Variants in DNM1L observed in about 807,000 individuals in gnomAD.
DNM1L encodes the protein dynamin 1L.
DNM1L carries 33 observed loss-of-function variants against 92.8 expected under a neutral mutation model. The observed-to-expected ratio is 0.36, with a 90% confidence interval of 0.27 to 0.48. The LOEUF is 0.48. DNM1L is among the 20% of genes least tolerant of loss of function. The pLI is 0.99. For synonymous variants in DNM1L, 284 were observed against 305.0 expected (o/e 0.93, Z 0.72); for missense variants, 485 against 888.8 (o/e 0.55, Z 5.78).
chr12:32,693,094 T>C (rs1952295265), intron 1 of DNM1L, among the ~76,000 whole-genome samples: 1 of 152,208 alleles, frequency 6.6e-6, no homozygotes, highest in African/African-American at 2.4e-5. Context: ...GGTATATTTA[T>C]TGGATATTGC....
intron 9 of DNM1L, among the ~76,000 whole-genome samples, chr12:32,729,465 T>C (rs540484299): frequency 6.6e-6 from 1 of 152,256 alleles, no homozygotes; most frequent in East Asian, 1.9e-4. Flanking sequence ...TTAATTACTT[T>C]ATTACTTTGA....
chr12:32,717,434 TA>T (rs1161227006), intron 6 of DNM1L, among the ~76,000 whole-genome samples: 1 of 96,860 alleles, frequency 1.0e-5, no homozygotes, highest in Non-Finnish European at 1.9e-5. Flanking sequence ...ATACTATATA[TA>T]TTTTAAATAT....
At chr12:32,732,305 C>T (rs1357145399) in intron 12 of DNM1L, among the ~76,000 whole-genome samples, 1 of 152,124 alleles carries the variant, frequency 6.6e-6, no homozygotes, top group Non-Finnish European at 1.5e-5. Context: ...ATTTATAGCA[C>T]ACTGTTACTT....
At chr12:32,699,812 A>G (rs931170032) in intron 1 of DNM1L, among the ~76,000 whole-genome samples, 6 of 150,874 alleles carry the variant, frequency 4.0e-5, no homozygotes, top group African/African-American at 1.5e-4. Context: ...AAAAAAAAAA[A>G]AAAAAAAGCA....
intron 2 of DNM1L, among the ~76,000 whole-genome samples, chr12:32,705,000 G>GTT (rs35375744): frequency 0.015 from 1,796 of 118,794 alleles, 36 homozygotes; most frequent in African/African-American, 0.041. Context: ...CTCAGGCAAA[G>GTT]TTTTTTTTTT....
At position 32,699,804 on chromosome 12, in the gene DNM1L, A is replaced by ATG. The variant is rs1952625626; in HGVS notation, c.103-1611_103-1610insTG. Among the ~76,000 whole-genome samples, 8 of 146,822 alleles carry ATG rather than the reference A, an allele frequency of 5.4e-5. No individual in the cohort carries two copies. The South Asian group carries it at 1.7e-3, about 31-fold the overall frequency. On this transcript the variant is annotated intron_variant, in intron 1 of 19. Transcript: ENST00000549701. ...AGAGCAAGACTCCATCTCAAAAAAA[A>ATG]AAAAAAAAAAAAAAAGCAATGATGT...
At chr12:32,724,169 A>C (rs954919976) in intron 9 of DNM1L, among the ~76,000 whole-genome samples, 2 of 152,020 alleles carry the variant, frequency 1.3e-5, no homozygotes, top group Admixed American at 1.3e-4. Flanking sequence ...TCTCTACTTT[A>C]ATCTCATGAC....
intron 2 of DNM1L, among the ~76,000 whole-genome samples, chr12:32,705,160 G>A (rs1255176016): frequency 1.3e-5 from 2 of 151,734 alleles, no homozygotes; most frequent in East Asian, 1.9e-4. Flanking sequence ...GTGCCACTAC[G>A]CCCAGCTAAT....
chr12:32,679,628 C>T, intron 1 of DNM1L, 163 bp downstream of exon 1: 1 of 1,334,080 alleles, frequency 7.5e-7, no homozygotes, highest in Non-Finnish European at 9.6e-7. Context: ...CGGGCTCTGC[C>T]GCACCCGCCC....
At chr12:32,734,595 T>C (rs1954752673) in intron 13 of DNM1L, among the ~76,000 whole-genome samples, 1 of 152,152 alleles carries the variant, frequency 6.6e-6, no homozygotes, top group Non-Finnish European at 1.5e-5. Context: ...TCACCTGACA[T>C]CAGGAGTTTG....
intron 13 of DNM1L, among the ~76,000 whole-genome samples, chr12:32,736,500 G>A (rs1954891549): frequency 6.6e-6 from 1 of 152,176 alleles, no homozygotes. Context: ...TAGAACAGTA[G>A]GCAATTGATC....
intron 1 of DNM1L, among the ~76,000 whole-genome samples, chr12:32,688,625 A>G (rs1347425312): frequency 6.6e-6 from 1 of 152,086 alleles, no homozygotes; most frequent in African/African-American, 2.4e-5. Context: ...GTTTGATTAT[A>G]ATTTATCTCA....
chr12:32,714,714 AGT>A (rs1953286082), intron 6 of DNM1L, among the ~76,000 whole-genome samples: 1 of 151,986 alleles, frequency 6.6e-6, no homozygotes, highest in African/African-American at 2.4e-5. Context: ...GACTGGGCTC[AGT>A]GGCTCATGCC....
At chr12:32,733,851 G>A in intron 13 of DNM1L, 44 bp downstream of exon 13, 1 of 1,546,088 alleles carries the variant, frequency 6.5e-7, no homozygotes. Context: ...AGAAAAATCT[G>A]TTGTAACTCA....
intron 4 of DNM1L, among the ~76,000 whole-genome samples, chr12:32,710,660 A>C (rs1351207485): frequency 6.6e-6 from 1 of 151,952 alleles, no homozygotes; most frequent in Non-Finnish European, 1.5e-5. Context: ...ATTTATGTTT[A>C]TAATCAAGAG....
rs183026656 is a variant in DNM1L at position 32,710,775 on chromosome 12, C to T, written c.370-154C>T. On this transcript the variant is annotated intron_variant, in intron 4 of 19. Coordinates refer to ENST00000549701, the MANE Select transcript of DNM1L (RefSeq NM_012062.5). ...GTTAATATGGCTGGCTACCTGACTT[C>T]CCATGTGTTTCATCAGGTTTTGATT... Among the ~76,000 whole-genome samples, 720 of 152,146 alleles carry T rather than the reference C, an allele frequency of 4.7e-3. 5 individuals carry two copies. Among genetic ancestry groups the T allele is most frequent in the Non-Finnish European group, 7.5e-3 (508 of 68,008 alleles).
At chr12:32,683,865 GAC>G (rs1951896371) in intron 1 of DNM1L, among the ~76,000 whole-genome samples, 1 of 152,032 alleles carries the variant, frequency 6.6e-6, no homozygotes, top group Non-Finnish European at 1.5e-5. Flanking sequence ...TTTTAGTAGA[GAC>G]AGCATTTTAC....
rs1955503970 is a variant in DNM1L at position 32,744,193 on chromosome 12, G to GA, written c.*787dup. 6.6e-6 allele frequency: 1 copy of GA among 152,174 alleles called. No individual in the cohort carries two copies. The highest frequency in any genetic ancestry group is 2.4e-5 in the African/African-American group (1 of 41,420). The allele number at this position is 152,174 out of a possible 1,614,324, so 9.4% of individuals were successfully genotyped here. On this transcript the variant is annotated 3_prime_UTR_variant, in exon 20 of 20. Coordinates refer to ENST00000549701, the MANE Select transcript of DNM1L (RefSeq NM_012062.5). ...GATGGTCAGTTCCTTTTAGATTTCAGAAAATCAAATGATGACCTAAATTTC... is the reference window on the plus strand; with the variant it reads ...GATGGTCAGTTCCTTTTAGATTTCAGAAAAATCAAATGATGACCTAAATTTC...
rs1954577840 is a variant in DNM1L at position 32,731,843 on chromosome 12, A to G, written c.1357-11A>G. Reference sequence around the variant, plus strand: ...AAACAAACACGTTTTTCTTTCATCTACCATTTGTAGGAATTGTTACGATTT... The same window carrying G: ...AAACAAACACGTTTTTCTTTCATCTGCCATTTGTAGGAATTGTTACGATTT... On this transcript the variant is annotated splice_polypyrimidine_tract_variant and intron_variant, in intron 11 of 19. Coordinates refer to ENST00000549701, the MANE Select transcript of DNM1L (RefSeq NM_012062.5). This position sits in a 1 kb window ranked among gnomAD's most constrained non-coding sequence, Gnocchi z 5.1. 1 of 1,603,158 alleles carries G rather than the reference A, an allele frequency of 6.2e-7. No individual in the cohort carries two copies. The highest frequency in any genetic ancestry group is 1.7e-5 in the Admixed American group (1 of 59,922).
Sources: allele counts gnomAD v4.1 joint callset (sites outside exome capture counted in the v4.1 genomes callset), GRCh38; gene constraint gnomAD v4.1.1; non-coding constraint Gnocchi (gnomAD v3.1); transcripts MANE v1.5; gene names NCBI Gene and HGNC (gene_info 2026-07-23, HGNC 2026-07-21).